STK3: variants seen among roughly 807,000 people sequenced by gnomAD.
STK3 encodes serine/threonine-protein kinase 3.
Under a neutral mutation model 58.0 loss-of-function variants are expected in STK3, and 41 were observed. That is an observed-to-expected ratio of 0.71 (90% CI 0.55 to 0.92). The LOEUF (loss-of-function observed/expected upper bound fraction) is 0.92, where lower values mean the gene tolerates loss of function less well. STK3 is among the 40% of genes least tolerant of loss of function. STK3 has a pLI of 0.00. For synonymous variants in STK3, 170 were observed against 191.0 expected, an observed-to-expected ratio of 0.89 and a Z score of 0.91; for missense variants, 479 against 602.7, an observed-to-expected ratio of 0.79 and a Z score of 2.15.
chr8:98,488,543 T>C (rs1187065441), intron 10 of STK3, among the ~76,000 whole-genome samples: 2 of 152,188 alleles, frequency 1.3e-5, no homozygotes, highest in Admixed American at 1.3e-4. Flanking sequence ...TATAAGCCAA[T>C]GCTAATGTTT....
At chr8:98,919,031 T>C (rs1047411491) in intron 1 of STK3, among the ~76,000 whole-genome samples, 4 of 151,896 alleles carry the variant, frequency 2.6e-5, no homozygotes, top group Non-Finnish European at 5.9e-5. Context: ...CACCTTGTAA[T>C]AAGGCAAAGA....
chr8:98,414,555 C>G (rs917045047), intron 3 of STK3, among the ~76,000 whole-genome samples: 4 of 152,156 alleles, frequency 2.6e-5, no homozygotes, highest in Non-Finnish European at 5.9e-5. Context: ...GTAGCTCTTT[C>G]CACATTGGGT....
At chr8:98,499,212 T>G (rs180736215) in intron 10 of STK3, among the ~76,000 whole-genome samples, 38 of 152,312 alleles carry the variant, frequency 2.5e-4, no homozygotes, top group Admixed American at 2.2e-3. Context: ...AAACTCTAGA[T>G]TCTCCCTTAA....
chr8:98,904,937 G>A, intron 1 of STK3: 1 of 708,876 alleles, frequency 1.4e-6, no homozygotes, highest in Non-Finnish European at 2.7e-6. Context: ...GCTCTGCCTA[G>A]TTACATGCAG....
intron 3 of STK3, among the ~76,000 whole-genome samples, chr8:98,834,490 G>A (rs767495970): frequency 2.0e-4 from 31 of 152,280 alleles, no homozygotes; most frequent in African/African-American, 2.9e-4. Context: ...TACTCAGAAC[G>A]TTATAATCAA....
At chr8:98,407,714 ATGTGTGTGTGTGTG>A (rs6150725) in intron 3 of STK3, among the ~76,000 whole-genome samples, 19,939 of 137,154 alleles carry the variant, frequency 0.15, 2,210 homozygotes, top group East Asian at 0.41. Context: ...AGATGAGTGC[ATGTGTGTGTGTGTG>A]TGTGTGTGTG....
chr8:98,711,797 C>T (rs575453844), intron 4 of STK3, among the ~76,000 whole-genome samples: 1 of 152,258 alleles, frequency 6.6e-6, no homozygotes, highest in East Asian at 1.9e-4. Context: ...CACAAAGATA[C>T]TCCTCAAGAA....
chr8:98,633,864 C>A, intron 6 of STK3: 1 of 401,758 alleles, frequency 2.5e-6, no homozygotes, highest in Non-Finnish European at 4.7e-6. Context: ...CAAAAAACCC[C>A]AGGCCTGAAG....
chr8:98,884,266 C>A (rs932516175), intron 1 of STK3, among the ~76,000 whole-genome samples: 4 of 152,160 alleles, frequency 2.6e-5, no homozygotes, highest in African/African-American at 9.7e-5. Context: ...TAAAACTTCA[C>A]GATGATATTC....
intron 8 of STK3, among the ~76,000 whole-genome samples, chr8:98,548,634 A>G (rs1810914529): frequency 6.6e-6 from 1 of 152,092 alleles, no homozygotes; most frequent in Non-Finnish European, 1.5e-5. Context: ...CCATTTTAGC[A>G]ATTTTTAAGT....
chr8:98,926,678 T>A (rs1290495595), intron 1 of STK3, among the ~76,000 whole-genome samples: 1 of 152,000 alleles, frequency 6.6e-6, no homozygotes, highest in Non-Finnish European at 1.5e-5. Flanking sequence ...ACAAATGCAG[T>A]TGTAAAATTA....
At chr8:98,764,420 G>A (rs1170731007) in intron 3 of STK3, among the ~76,000 whole-genome samples, 2 of 152,062 alleles carry the variant, frequency 1.3e-5, no homozygotes, top group African/African-American at 4.8e-5. Flanking sequence ...AAAAATATAT[G>A]GTTCCTTTCC....
At position 98,428,371 on chromosome 8, in the gene STK3, A is replaced by G; in HGVS notation, n.483+5756T>C. On this transcript the variant is annotated intron_variant and non_coding_transcript_variant, in intron 3 of 3. Coordinates refer to the STK3 transcript ENST00000517832. This position sits in a 1 kb window ranked among gnomAD's most constrained non-coding sequence, Gnocchi z 6.7. Reference sequence around the variant, plus strand: ...TACCATGGCCGCAAAGTAGAGCCCGAGCAGGAGAAGTGGGACGAGCAGAGT... The same window carrying G: ...TACCATGGCCGCAAAGTAGAGCCCGGGCAGGAGAAGTGGGACGAGCAGAGT... The G allele has an allele frequency of 6.2e-7, 1 of 1,614,132 alleles. No homozygotes were observed. Among genetic ancestry groups the G allele is most frequent in the Non-Finnish European group, 8.5e-7 (1 of 1,180,038 alleles).
intron 10 of STK3, among the ~76,000 whole-genome samples, chr8:98,511,552 G>A (rs1824516893): frequency 6.6e-6 from 1 of 152,000 alleles, no homozygotes; most frequent in African/African-American, 2.4e-5. Context: ...GTATGAACTG[G>A]TATGTTTCCT....
intron 7 of STK3, among the ~76,000 whole-genome samples, chr8:98,587,347 C>T (rs981358015): frequency 5.9e-5 from 9 of 151,812 alleles, no homozygotes; most frequent in East Asian, 5.8e-4. Context: ...GCCTTCATTT[C>T]GTTATGTACC....
At chr8:98,358,090 G>A in the STK3 span, among the ~76,000 whole-genome samples, 2 of 152,138 alleles carry the variant, frequency 1.3e-5, no homozygotes, top group Admixed American at 6.5e-5. Context: ...ATGCTATCAG[G>A]TTTTGCTCCA....
chr8:98,634,259 G>T (rs978518372), intron 6 of STK3, among the ~76,000 whole-genome samples: 2 of 152,156 alleles, frequency 1.3e-5, no homozygotes, highest in African/African-American at 2.4e-5. Context: ...GGCCAAGGCA[G>T]GCGGATCACT....
intron 6 of STK3, among the ~76,000 whole-genome samples, chr8:98,682,576 G>T (rs1218962549): frequency 1.3e-5 from 2 of 151,992 alleles, no homozygotes; most frequent in African/African-American, 2.4e-5. Flanking sequence ...AATAAAGATG[G>T]TTCTATTCAT....
chr8:98,842,813 C>A lies in STK3; in HGVS notation c.110+40834G>T, dbSNP rs569298890. Among the ~76,000 whole-genome samples the A allele has an allele frequency of 7.2e-5, 11 of 152,190 alleles. No homozygotes were observed. The East Asian group carries it at 2.1e-3, about 29-fold the overall frequency. On this transcript the variant is annotated intron_variant, in intron 3 of 12. Transcript: ENST00000523601. ...CTCAGGAGTTTGAGACCAGCCTGGG[C>A]AACATGGTGAAACCTCCCTGTCTCT...
Sources: allele counts gnomAD v4.1 joint callset (sites outside exome capture counted in the v4.1 genomes callset), GRCh38; gene constraint gnomAD v4.1.1; non-coding constraint Gnocchi (gnomAD v3.1); transcripts MANE v1.5; gene names NCBI Gene and HGNC (gene_info 2026-07-23, HGNC 2026-07-21).